Variants in GBE1 observed in about 807,000 individuals in gnomAD.
The protein encoded by GBE1 is 1,4-alpha-glucan-branching enzyme.
GBE1 carries 70 observed loss-of-function variants against 88.8 expected under a neutral mutation model. The ratio of observed to expected loss-of-function variants is 0.79; its 90% confidence interval spans 0.65 to 0.96. The LOEUF is 0.96. Among genes scored for constraint, GBE1 ranks in the 40% least tolerant of loss-of-function variants. The pLI, the probability that GBE1 is intolerant of heterozygous loss-of-function variation, is 0.00. For missense variants in GBE1, 872 were observed against 871.0 expected, an observed-to-expected ratio of 1.00 and a Z score of -0.01; for synonymous variants, 284 against 300.1, an observed-to-expected ratio of 0.95 and a Z score of 0.56.
intron 1 of GBE1, among the ~76,000 whole-genome samples, chr3:81,717,171 C>A (rs1480065915): frequency 6.6e-6 from 1 of 152,216 alleles, no homozygotes; most frequent in Non-Finnish European, 1.5e-5. Flanking sequence ...GAAACATGAG[C>A]TAACACAGTC....
At chr3:81,564,987 T>G (rs896831122) in intron 12 of GBE1, among the ~76,000 whole-genome samples, 1 of 152,106 alleles carries the variant, frequency 6.6e-6, no homozygotes, top group East Asian at 1.9e-4. Flanking sequence ...ATGTTAAAGC[T>G]CCCCAGGTAA....
At chr3:81,653,486 CA>C (rs1457149169) in intron 3 of GBE1, among the ~76,000 whole-genome samples, 22 of 141,990 alleles carry the variant, frequency 1.5e-4, no homozygotes, top group Admixed American at 4.2e-4. Context: ...ACCCTGTCTA[CA>C]AAAAAAAAAT....
At chr3:81,531,983 T>C (rs1053706162) in intron 14 of GBE1, among the ~76,000 whole-genome samples, 5 of 151,948 alleles carry the variant, frequency 3.3e-5, no homozygotes, top group African/African-American at 9.7e-5. Flanking sequence ...TGTTACCTTC[T>C]GCTGTGACAG....
intron 14 of GBE1, among the ~76,000 whole-genome samples, chr3:81,511,115 A>G (rs1254177347): frequency 1.3e-5 from 2 of 152,030 alleles, no homozygotes; most frequent in African/African-American, 2.4e-5. Context: ...TGGGTAATTG[A>G]CTAGTCATAT....
Position 81,581,294 on chromosome 3 carries a change from A to G in GBE1, c.1336-19T>C. On this transcript the variant is annotated intron_variant, in intron 10 of 15. Coordinates refer to ENST00000429644, the MANE Select transcript of GBE1 (RefSeq NM_000158.4). ...TAAGTAGCTAGACACAAGAGAGAAA[A>G]ATAAGCTTCTGAGTAAAGCATTATT... 1.5e-6 allele frequency: 2 copies of G among 1,339,320 alleles called. No individual in the cohort carries two copies. Among genetic ancestry groups the G allele is most frequent in the Middle Eastern group, 3.6e-4 (2 of 5,510 alleles). The allele number at this position is 1,339,320 out of a possible 1,614,324, so 83.0% of individuals were successfully genotyped here.
intron 9 of GBE1, 54 bp from the exon 10 acceptor site, chr3:81,586,244 C>A (rs1286331396): frequency 1.9e-6 from 2 of 1,066,014 alleles, no homozygotes; most frequent in Non-Finnish European, 2.8e-6. Flanking sequence ...AATATTCTGA[C>A]TGTAAAGCCC....
chr3:81,528,568 AG>A (rs1014591947), intron 14 of GBE1, among the ~76,000 whole-genome samples: 1 of 151,994 alleles, frequency 6.6e-6, no homozygotes, highest in African/African-American at 2.4e-5. Context: ...CCAAAGGTGA[AG>A]GTGGGGTATT....
intron 12 of GBE1, among the ~76,000 whole-genome samples, chr3:81,540,052 T>C (rs1473263129): frequency 1.3e-5 from 2 of 151,604 alleles, no homozygotes; most frequent in Non-Finnish European, 2.9e-5. Context: ...AGAGCAATGG[T>C]TAGCAGGGTA....
At chr3:81,593,161 G>C (rs1341146793) in intron 8 of GBE1, among the ~76,000 whole-genome samples, 9 of 151,908 alleles carry the variant, frequency 5.9e-5, no homozygotes, top group Non-Finnish European at 1.2e-4. Flanking sequence ...TCAGGAGTTT[G>C]AGACCAACCT....
At chr3:81,706,888 A>G (rs1705783546) in intron 1 of GBE1, among the ~76,000 whole-genome samples, 1 of 152,110 alleles carries the variant, frequency 6.6e-6, no homozygotes, top group South Asian at 2.1e-4. Context: ...ACATAAGTAT[A>G]GCAAAAATAG....
intron 7 of GBE1, among the ~76,000 whole-genome samples, chr3:81,597,445 AAT>A (rs1187746996): frequency 2.1e-4 from 30 of 144,602 alleles, no homozygotes; most frequent in African/African-American, 7.1e-4. Flanking sequence ...ATATCTCAAA[AAT>A]ATATATATAT....
intron 1 of GBE1, among the ~76,000 whole-genome samples, chr3:81,741,113 T>C (rs1212995643): frequency 6.6e-6 from 1 of 152,204 alleles, no homozygotes; most frequent in Non-Finnish European, 1.5e-5. Flanking sequence ...AACCACAATG[T>C]CATTAACAAA....
intron 1 of GBE1, among the ~76,000 whole-genome samples, chr3:81,723,578 C>A (rs1412160927): frequency 6.6e-6 from 1 of 152,110 alleles, no homozygotes; most frequent in East Asian, 1.9e-4. Flanking sequence ...CACAGAGAAT[C>A]CCAGTGATCG....
At chr3:81,561,789 C>T (rs945945100) in intron 12 of GBE1, among the ~76,000 whole-genome samples, 25 of 152,148 alleles carry the variant, frequency 1.6e-4, no homozygotes, top group Non-Finnish European at 2.8e-4. Flanking sequence ...TCAGCCTTCT[C>T]TCTCATCATT....
chr3:81,503,135 C>T (rs1019631987), intron 14 of GBE1, among the ~76,000 whole-genome samples: 3 of 152,076 alleles, frequency 2.0e-5, no homozygotes, highest in Non-Finnish European at 4.4e-5. Flanking sequence ...CTTTACTCCC[C>T]CATTCATTTA....
At chr3:81,659,370 C>T (rs1704990752) in intron 3 of GBE1, among the ~76,000 whole-genome samples, 1 of 151,082 alleles carries the variant, frequency 6.6e-6, no homozygotes, top group Non-Finnish European at 1.5e-5. Context: ...CAGTCTCAGT[C>T]TGTCACCCAG....
intron 8 of GBE1, among the ~76,000 whole-genome samples, chr3:81,591,760 C>T (rs946639304): frequency 6.6e-6 from 1 of 152,016 alleles, no homozygotes; most frequent in Admixed American, 6.6e-5. Context: ...ACTTTCTATT[C>T]TTTCAGTAAT....
chr3:81,490,748 C>A (rs1702426419), intron 15 of GBE1, among the ~76,000 whole-genome samples: 1 of 152,038 alleles, frequency 6.6e-6, no homozygotes, highest in African/African-American at 2.4e-5. Context: ...CATGTTGAGG[C>A]TGTATTAGGT....
intron 14 of GBE1, among the ~76,000 whole-genome samples, chr3:81,509,311 T>TA (rs1372541913): frequency 5.6e-4 from 81 of 144,722 alleles, no homozygotes; most frequent in South Asian, 2.6e-3. Context: ...TTTTTTTTTT[T>TA]ATAAAAAAGA....
Sources: allele counts gnomAD v4.1 joint callset (sites outside exome capture counted in the v4.1 genomes callset), GRCh38; gene constraint gnomAD v4.1.1; transcripts MANE v1.5; gene names NCBI Gene and HGNC (gene_info 2026-07-23, HGNC 2026-07-21).